GMDS: variants seen among roughly 807,000 people sequenced by gnomAD.
GMDS encodes GDP-mannose 4,6 dehydratase.
A neutral mutation model predicts 49.9 loss-of-function variants in GMDS; 20 were observed. That is an observed-to-expected ratio of 0.40 (90% CI 0.28 to 0.58). The LOEUF (loss-of-function observed/expected upper bound fraction) is 0.58. Ranked by LOEUF, GMDS falls within the 20% of genes least tolerant of loss-of-function variation. The pLI is 0.42. For missense variants in GMDS, 362 were observed against 481.4 expected (o/e 0.75, Z 2.32); for synonymous variants, 177 against 178.6 (o/e 0.99, Z 0.07).
chr6:1,645,348 C>T (rs890219306), intron 9 of GMDS, among the ~76,000 whole-genome samples: 3 of 152,236 alleles, frequency 2.0e-5, no homozygotes, highest in African/African-American at 7.2e-5. Context: ...CTGTGCCTAG[C>T]ATAGCTTCCT....
chr6:1,761,112 T>C (rs1216432080), intron 7 of GMDS, among the ~76,000 whole-genome samples: 1 of 152,260 alleles, frequency 6.6e-6, no homozygotes, highest in Middle Eastern at 3.4e-3. Flanking sequence ...CCTGTCCACA[T>C]GACTGAAAAT....
intron 1 of GMDS, among the ~76,000 whole-genome samples, chr6:2,211,884 A>G (rs2127583312): frequency 6.6e-6 from 1 of 152,354 alleles, no homozygotes; most frequent in South Asian, 2.1e-4. Flanking sequence ...TACTCTTGTA[A>G]GACATTATAC....
intron 4 of GMDS, among the ~76,000 whole-genome samples, chr6:2,063,211 G>A (rs908273065): frequency 6.6e-6 from 1 of 152,162 alleles, no homozygotes; most frequent in African/African-American, 2.4e-5. Context: ...CTACCCCTGT[G>A]GAGTATTATA....
At chr6:1,967,685 A>G (rs1157159913) in intron 4 of GMDS, among the ~76,000 whole-genome samples, 4 of 152,242 alleles carry the variant, frequency 2.6e-5, no homozygotes, top group Non-Finnish European at 5.9e-5. Context: ...CTGCGATGGG[A>G]TATCATTCTT....
intron 6 of GMDS, among the ~76,000 whole-genome samples, chr6:1,940,142 T>G (rs1762752817): frequency 6.6e-6 from 1 of 152,112 alleles, no homozygotes; most frequent in Non-Finnish European, 1.5e-5. Flanking sequence ...CAATTTTTAT[T>G]GTTTGTGTGT....
chr6:2,015,784 AC>A (rs1767852718), intron 4 of GMDS, among the ~76,000 whole-genome samples: 3 of 152,194 alleles, frequency 2.0e-5, no homozygotes, highest in Admixed American at 2.0e-4. Flanking sequence ...TTCCATCTTA[AC>A]TGGACATTTA....
At chr6:1,884,534 G>C (rs1366348591) in intron 7 of GMDS, among the ~76,000 whole-genome samples, 2 of 152,188 alleles carry the variant, frequency 1.3e-5, no homozygotes, top group Non-Finnish European at 2.9e-5. Context: ...GCAGATATTA[G>C]CATTTATTTT....
At chr6:1,944,473 C>T (rs147059591) in intron 6 of GMDS, among the ~76,000 whole-genome samples, 1,704 of 151,632 alleles carry the variant, frequency 0.011, 34 homozygotes, top group African/African-American at 0.038. Context: ...CCACTGCACG[C>T]TAGCCTGGGC....
At chr6:2,222,066 C>G (rs1430899365) in intron 1 of GMDS, among the ~76,000 whole-genome samples, 1 of 152,210 alleles carries the variant, frequency 6.6e-6, no homozygotes, top group East Asian at 1.9e-4. Context: ...ATGTTTCAGT[C>G]TAGGCTCCCC....
chr6:1,915,637 CAG>C (rs1381565169), intron 7 of GMDS, among the ~76,000 whole-genome samples: 6 of 152,202 alleles, frequency 3.9e-5, no homozygotes, highest in African/African-American at 9.7e-5. Context: ...ATGTGGGAGG[CAG>C]AGAGAGCATC....
rs1289922068 is a variant in GMDS, at chr6:1,624,423, G to T, written c.1056+49C>A. ...GCCCGACCCTGAGAGCTGCCGCCCT[G>T]CAGCCCGGGGCCCCGCAGCGGGCGG... On this transcript the variant is annotated intron_variant, in intron 10 of 10. Coordinates refer to ENST00000380815, the MANE Select transcript of GMDS (RefSeq NM_001500.4). The T allele has an allele frequency of 2.0e-6, 3 of 1,531,528 alleles. No individual in the cohort carries two copies. In the African/African-American group the frequency reaches 4.1e-5, roughly 21 times the overall value. The allele number at this position is 1,531,528 out of a possible 1,614,324, so 94.9% of individuals were successfully genotyped here. A position where few individuals can be genotyped will look rare whatever the true frequency, so the allele number is the denominator to read the frequency against.
In GMDS at chr6:1,869,710, TA is replaced by T. The variant is rs551909347; in HGVS notation, c.771+60392del. ...ACAGGCAGAAAGAAACTTTTACTGTTAAAAAATAAAAAAGAAATCGGCACAG... is the reference window on the plus strand; with the variant it reads ...ACAGGCAGAAAGAAACTTTTACTGTTAAAAATAAAAAAGAAATCGGCACAG... On this transcript the variant is annotated intron_variant, in intron 7 of 10. Transcript: ENST00000380815. Among the ~76,000 whole-genome samples the T allele has an allele frequency of 1.6e-4, 25 of 152,278 alleles. No individual in the cohort carries two copies. In the East Asian group the frequency reaches 4.6e-3, roughly 28 times the overall value.
intron 4 of GMDS, among the ~76,000 whole-genome samples, chr6:2,002,844 T>C (rs536459612): frequency 3.4e-4 from 52 of 152,306 alleles, no homozygotes; most frequent in Non-Finnish European, 5.0e-4. Flanking sequence ...AATAGAGTAT[T>C]CTTATCTTCA....
intron 7 of GMDS, among the ~76,000 whole-genome samples, chr6:1,871,696 C>T (rs1758764849): frequency 6.6e-6 from 1 of 152,220 alleles, no homozygotes; most frequent in Non-Finnish European, 1.5e-5. Flanking sequence ...CTGTCCTAAG[C>T]TGCTGTTGTG....
At chr6:1,809,863 C>A (rs142576135) in intron 7 of GMDS, among the ~76,000 whole-genome samples, 2 of 151,972 alleles carry the variant, frequency 1.3e-5, no homozygotes, top group Non-Finnish European at 2.9e-5. Context: ...GAGGGTGATA[C>A]GTTACAATAC....
At position 1,849,937 on chromosome 6, in the gene GMDS, G is replaced by A. The variant is rs529060868; in HGVS notation, c.771+80166C>T. ...GTGTTTTTTGCAAAATAGGAAGTTC[G>A]TTTTTCAAAATAAGGAAGCTAGGTC... On this transcript the variant is annotated intron_variant, in intron 7 of 10. Transcript: ENST00000380815. Among the ~76,000 whole-genome samples the A allele has an allele frequency of 4.6e-5, 7 of 152,246 alleles. No homozygotes were observed. The South Asian group carries it at 1.0e-3, about 23-fold the overall frequency.
chr6:2,127,493 G>C (rs1338941606), intron 1 of GMDS, among the ~76,000 whole-genome samples: 1 of 152,104 alleles, frequency 6.6e-6, no homozygotes, highest in Admixed American at 6.5e-5. Flanking sequence ...ATGTGAAACA[G>C]ACCTGACCAG....
chr6:1,767,396 G>GA (rs147395963), intron 7 of GMDS, among the ~76,000 whole-genome samples: 7 of 152,162 alleles, frequency 4.6e-5, no homozygotes, highest in Admixed American at 2.0e-4. Flanking sequence ...GGGTTAAAAG[G>GA]AAAAAAAGAT....
intron 7 of GMDS, among the ~76,000 whole-genome samples, chr6:1,757,737 G>A (rs993910142): frequency 6.6e-6 from 1 of 152,164 alleles, no homozygotes; most frequent in Admixed American, 6.5e-5. Flanking sequence ...ATCACAGTGC[G>A]TGCATTAAGG....
Sources: gnomAD v4.1 joint callset for allele counts (sites outside exome capture counted in the v4.1 genomes callset) on GRCh38, gnomAD v4.1.1 for gene constraint, MANE v1.5 for transcripts, NCBI Gene and HGNC (gene_info 2026-07-23, HGNC 2026-07-21) for gene names.